The following RARB variants were observed in gnomAD, a reference collection of about 807,000 sequenced individuals.
The protein encoded by RARB is HBV-activated protein.
Under a neutral mutation model 51.9 loss-of-function variants are expected in RARB, and 17 were observed. The observed-to-expected ratio is 0.33, with a 90% CI of 0.22 to 0.49. The LOEUF (loss-of-function observed/expected upper bound fraction) is 0.49, where lower values mean the gene tolerates loss of function less well. Among genes scored for constraint, RARB ranks in the 20% least tolerant of loss-of-function variants. RARB has a pLI of 0.99. For missense variants in RARB, 369 were observed against 550.8 expected, an observed-to-expected ratio of 0.67 and a Z score of 3.30; for synonymous variants, 215 against 195.4, an observed-to-expected ratio of 1.10 and a Z score of -0.84.
chr3:25,439,890 G>C (rs1378272298), intron 1 of RARB, among the ~76,000 whole-genome samples: 1 of 152,130 alleles, frequency 6.6e-6, no homozygotes, highest in Non-Finnish European at 1.5e-5. Context: ...AAATCTGTAA[G>C]ACGCTAACAT....
At chr3:25,555,353 C>T (rs1164363625) in intron 3 of RARB, among the ~76,000 whole-genome samples, 1 of 152,172 alleles carries the variant, frequency 6.6e-6, no homozygotes, top group African/African-American at 2.4e-5. Flanking sequence ...TTTCTCTCTT[C>T]CCTGCGTTGT....
chr3:25,129,064 C>T (rs892071276), intron 3 of RARB, among the ~76,000 whole-genome samples: 1 of 151,960 alleles, frequency 6.6e-6, no homozygotes, highest in Admixed American at 6.6e-5. Flanking sequence ...GTGTTTAACC[C>T]ATTCTAGAAA....
At chr3:25,191,156 A>G (rs1344925602) in intron 5 of RARB, among the ~76,000 whole-genome samples, 1 of 152,094 alleles carries the variant, frequency 6.6e-6, no homozygotes, top group Non-Finnish European at 1.5e-5. Context: ...TCCATGAAAA[A>G]AATAGGGGAA....
intron 5 of RARB, among the ~76,000 whole-genome samples, chr3:25,298,478 G>A (rs1384970943): frequency 6.6e-6 from 1 of 152,158 alleles, no homozygotes; most frequent in African/African-American, 2.4e-5. Context: ...CAGAGATAGA[G>A]AGCCAGAGCA....
chr3:24,883,356 T>TTTTG (rs3221508), intron 2 of RARB, among the ~76,000 whole-genome samples: 29 of 143,774 alleles, frequency 2.0e-4, no homozygotes, highest in Admixed American at 7.0e-4. Flanking sequence ...TCAACAATCA[T>TTTTG]TGTGTGTGTG....
intron 2 of RARB, among the ~76,000 whole-genome samples, chr3:25,470,937 G>A (rs770132202): frequency 2.4e-4 from 36 of 152,034 alleles, no homozygotes; most frequent in Non-Finnish European, 4.3e-4. Context: ...CTAGGGAGGC[G>A]GCACATAGTA....
intron 5 of RARB, among the ~76,000 whole-genome samples, chr3:25,251,880 T>C (rs1702730393): frequency 6.6e-6 from 1 of 152,200 alleles, no homozygotes; most frequent in South Asian, 2.1e-4. Flanking sequence ...GTGCAATTTA[T>C]CAAATTTGTC....
chr3:24,870,978 TATTC>T (rs984816466), intron 2 of RARB, among the ~76,000 whole-genome samples: 44 of 152,248 alleles, frequency 2.9e-4, no homozygotes, highest in African/African-American at 1.0e-3. Flanking sequence ...TACTAGATCT[TATTC>T]TATCTAACTA....
intron 2 of RARB, among the ~76,000 whole-genome samples, chr3:25,486,567 A>T (rs1158704760): frequency 6.6e-6 from 1 of 152,230 alleles, no homozygotes. Context: ...GGATACAAAA[A>T]GCTAGAGTTA....
intron 5 of RARB, among the ~76,000 whole-genome samples, chr3:25,589,675 T>C (rs1383435442): frequency 6.6e-6 from 1 of 152,102 alleles, no homozygotes; most frequent in Non-Finnish European, 1.5e-5. Context: ...TCAAAAGCAA[T>C]AGAGAGATGC....
chr3:25,342,427 A>G (rs1705257609), intron 5 of RARB, among the ~76,000 whole-genome samples: 1 of 152,198 alleles, frequency 6.6e-6, no homozygotes, highest in South Asian at 2.1e-4. Flanking sequence ...CTGCTAGGAC[A>G]GCCATTCAGT....
intron 1 of RARB, among the ~76,000 whole-genome samples, chr3:25,442,849 T>C (rs1214524425): frequency 6.6e-6 from 1 of 152,218 alleles, no homozygotes; most frequent in East Asian, 1.9e-4. Context: ...AATCAAATCA[T>C]GGAGACATAC....
chr3:25,227,832 G>T (rs1437516509), intron 5 of RARB, among the ~76,000 whole-genome samples: 2 of 152,074 alleles, frequency 1.3e-5, no homozygotes, highest in Non-Finnish European at 2.9e-5. Context: ...GATGGGCTGA[G>T]TTCCATTATC....
rs74773138 is a variant in RARB at position 25,184,246 on chromosome 3, T to G, written c.178+9671T>G. On this transcript the variant is annotated intron_variant, in intron 5 of 11. Transcript: ENST00000383772. ...TTGTTAATTTAGTGCTGAGATCCTT[T>G]GCCAAATGCCCATAAGCTTTGCAAA... Among the ~76,000 whole-genome samples, 685 of 152,226 alleles carry G rather than the reference T, an allele frequency of 4.5e-3. 13 individuals carry two copies. Among genetic ancestry groups the G allele is most frequent in the South Asian group, 0.041 (197 of 4,826 alleles).
intron 5 of RARB, among the ~76,000 whole-genome samples, chr3:25,234,506 T>G (rs1475211864): frequency 6.6e-6 from 1 of 152,178 alleles, no homozygotes; most frequent in Non-Finnish European, 1.5e-5. Context: ...GTTTCAAATT[T>G]TATTCTATTC....
intron 5 of RARB, among the ~76,000 whole-genome samples, chr3:25,339,824 G>A (rs898744137): frequency 2.0e-5 from 3 of 152,016 alleles, no homozygotes; most frequent in Non-Finnish European, 2.9e-5. Context: ...TGCAATGCTT[G>A]GAAACCTATT....
At chr3:25,033,298 T>C (rs1697912941) in intron 2 of RARB, among the ~76,000 whole-genome samples, 1 of 152,226 alleles carries the variant, frequency 6.6e-6, no homozygotes. Context: ...GTCACTCATC[T>C]ATTGTTAAAG....
chr3:25,534,068 T>C (rs1379451230), intron 3 of RARB, among the ~76,000 whole-genome samples: 1 of 152,272 alleles, frequency 6.6e-6, no homozygotes, highest in South Asian at 2.1e-4. Flanking sequence ...TGACTTTATT[T>C]GGCTCAATGC....
At chr3:24,974,987 C>A (rs1696480730) in intron 2 of RARB, among the ~76,000 whole-genome samples, 1 of 152,140 alleles carries the variant, frequency 6.6e-6, no homozygotes, top group South Asian at 2.1e-4. Context: ...ACACCTATGG[C>A]TATTGACTGG....
Sources: gnomAD v4.1 joint callset for allele counts (sites outside exome capture counted in the v4.1 genomes callset) on GRCh38, gnomAD v4.1.1 for gene constraint, MANE v1.5 for transcripts, NCBI Gene and HGNC (gene_info 2026-07-23, HGNC 2026-07-21) for gene names.